The following BEND7 variants were observed in gnomAD, a reference collection of about 807,000 sequenced individuals.
BEND7 encodes BEN domain-containing protein 7.
BEND7 carries 28 observed loss-of-function variants against 50.9 expected under a neutral mutation model. That is an observed-to-expected ratio of 0.55 (90% CI 0.41 to 0.75). The LOEUF (loss-of-function observed/expected upper bound fraction) is 0.75. BEND7 is among the 30% of genes least tolerant of loss of function. BEND7 has a pLI of 0.00. For synonymous variants in BEND7, 170 were observed against 183.9 expected (o/e 0.92, Z 0.61); for missense variants, 477 against 491.3 (o/e 0.97, Z 0.28).
chr10:13,503,150 C>A (rs1387248821), intron 2 of BEND7, among the ~76,000 whole-genome samples: 1 of 152,184 alleles, frequency 6.6e-6, no homozygotes, highest in Non-Finnish European at 1.5e-5. Context: ...TTCATTTTGA[C>A]AACCAGCATC....
At chr10:13,450,574 G>T (rs932353286) in intron 7 of BEND7, among the ~76,000 whole-genome samples, 10 of 152,168 alleles carry the variant, frequency 6.6e-5, no homozygotes, top group African/African-American at 2.4e-4. Flanking sequence ...GCTTGTCAGG[G>T]TTGGTTTTGT....
At chr10:13,451,342 T>C (rs1275678509) in intron 7 of BEND7, among the ~76,000 whole-genome samples, 9 of 151,524 alleles carry the variant, frequency 5.9e-5, no homozygotes, top group Non-Finnish European at 4.4e-5. Context: ...GTGCGTGCCA[T>C]CTTGCTTGGC....
At chr10:13,498,077 T>C (rs952886811) in intron 3 of BEND7, among the ~76,000 whole-genome samples, 65 of 91,620 alleles carry the variant, frequency 7.1e-4, no homozygotes, top group East Asian at 3.8e-3. Flanking sequence ...TTTTCTTTTT[T>C]TTTTTTTTTT....
At chr10:13,470,141 A>C (rs536775479) in intron 6 of BEND7, among the ~76,000 whole-genome samples, 1 of 152,336 alleles carries the variant, frequency 6.6e-6, no homozygotes, top group South Asian at 2.1e-4. Context: ...GATGAGCCAC[A>C]CAATTCAGGG....
chr10:13,439,387 G>T (rs367757250), downstream of BEND7: 2 of 1,614,022 alleles, frequency 1.2e-6, no homozygotes, highest in African/African-American at 2.7e-5. Context: ...TCCTCCCAGG[G>T]TTCTGCCATC....
At chr10:13,512,184 G>T (rs1345641729) in intron 2 of BEND7, among the ~76,000 whole-genome samples, 1 of 152,166 alleles carries the variant, frequency 6.6e-6, no homozygotes, top group Non-Finnish European at 1.5e-5. Flanking sequence ...CTTGAGCCCA[G>T]AAGTTTAAGG....
intron 2 of BEND7, among the ~76,000 whole-genome samples, chr10:13,522,050 G>C (rs1023735731): frequency 6.6e-6 from 1 of 152,184 alleles, no homozygotes; most frequent in Admixed American, 6.5e-5. Context: ...CTTCATCTAT[G>C]GGAAGCTGAA....
intron 2 of BEND7, chr10:13,502,873 G>C (rs1343158005): frequency 3.0e-6 from 3 of 985,016 alleles, no homozygotes; most frequent in Non-Finnish European, 3.6e-6. Flanking sequence ...CGGCTCTCAA[G>C]TCCATGCCAG....
intron 6 of BEND7, among the ~76,000 whole-genome samples, chr10:13,456,371 A>G (rs10906375): frequency 0.31 from 47,473 of 152,070 alleles, 8,667 homozygotes; most frequent in East Asian, 0.68. Flanking sequence ...GAATGTCACC[A>G]TGGATGAGGT....
At position 13,472,690 on chromosome 10, in the gene BEND7, T is replaced by A. The variant is rs533479315; in HGVS notation, c.1063+8209A>T. Among the ~76,000 whole-genome samples the A allele has an allele frequency of 5.1e-4, 77 of 152,032 alleles. 1 individual carries two copies. The highest frequency in any genetic ancestry group is 1.8e-3 in the African/African-American group (75 of 41,440). On this transcript the variant is annotated intron_variant, in intron 6 of 8. Transcript: ENST00000466271. ...CTGTTAGACTCAGGGTCGATACCCA[T>A]CATCGCTCTTAGACTCAGGGTTGAT...
chr10:13,451,779 G>A (rs1197185774), intron 7 of BEND7, among the ~76,000 whole-genome samples: 1 of 104,180 alleles, frequency 9.6e-6, no homozygotes, highest in East Asian at 2.7e-4. Flanking sequence ...CCCACAACAG[G>A]CCCCGGTGTG....
At chr10:13,522,242 T>C (rs958276980) in intron 2 of BEND7, among the ~76,000 whole-genome samples, 3 of 152,272 alleles carry the variant, frequency 2.0e-5, no homozygotes, top group Non-Finnish European at 2.9e-5. Context: ...AGAGACTTCA[T>C]TTTATATTTG....
At chr10:13,442,324 A>G (rs1835456666) in intron 8 of BEND7, 1 of 152,324 alleles carries the variant, frequency 6.6e-6, no homozygotes. Context: ...GTGTAGTCCA[A>G]ATTGTTCTCA....
intron 2 of BEND7, among the ~76,000 whole-genome samples, chr10:13,524,089 T>C (rs992300444): frequency 6.6e-6 from 1 of 151,858 alleles, no homozygotes; most frequent in Non-Finnish European, 1.5e-5. Context: ...TCTCTGGGAG[T>C]TTCCAGCTTA....
Position 13,444,101 on chromosome 10 carries a change from G to T in BEND7, c.1235-2351C>A, listed in dbSNP as rs575257656. On this transcript the variant is annotated intron_variant, in intron 8 of 8. Transcript: ENST00000466271. ...TAATGCAAATTGTCCCCAGCTCCTG[G>T]GTGGCTTTTCTTGAGCCCCAGACCC... is the stretch of plus-strand genomic sequence containing the variant. 5 of 151,796 alleles carry T rather than the reference G, an allele frequency of 3.3e-5. No individual in the cohort carries two copies. In the South Asian group the frequency reaches 1.0e-3, roughly 32 times the overall value. The allele number at this position is 151,796 out of a possible 1,614,324, so 9.4% of individuals were successfully genotyped here. A position where few individuals can be genotyped will look rare whatever the true frequency, so the allele number is the denominator to read the frequency against.
At chr10:13,450,920 G>A (rs757069253) in intron 7 of BEND7, among the ~76,000 whole-genome samples, 3 of 152,020 alleles carry the variant, frequency 2.0e-5, no homozygotes, top group Non-Finnish European at 2.9e-5. Context: ...GTCTGCTTGG[G>A]GGAAAGAGAA....
intron 2 of BEND7, chr10:13,502,762 A>T: frequency 4.0e-6 from 1 of 249,570 alleles, no homozygotes; most frequent in Non-Finnish European, 6.3e-6. Context: ...GTCCATGCAG[A>T]GACTAGCCTT....
At chr10:13,461,163 G>A (rs887239925) in intron 6 of BEND7, among the ~76,000 whole-genome samples, 5 of 152,220 alleles carry the variant, frequency 3.3e-5, no homozygotes, top group Non-Finnish European at 7.3e-5. Context: ...GAGAAAGAAG[G>A]TGGAGAATGC....
At chr10:13,475,815 G>T (rs1360590882) in intron 6 of BEND7, among the ~76,000 whole-genome samples, 1 of 152,158 alleles carries the variant, frequency 6.6e-6, no homozygotes, top group Non-Finnish European at 1.5e-5. Flanking sequence ...AATGGCTTTG[G>T]AGTCAGACAG....
Sources: gnomAD v4.1 joint callset for allele counts (sites outside exome capture counted in the v4.1 genomes callset) on GRCh38, gnomAD v4.1.1 for gene constraint, MANE v1.5 for transcripts, NCBI Gene and HGNC (gene_info 2026-07-23, HGNC 2026-07-21) for gene names.